DNAH8: variants seen among roughly 807,000 people sequenced by gnomAD.
DNAH8 encodes the protein axonemal beta dynein heavy chain 8.
A neutral mutation model predicts 562.1 loss-of-function variants in DNAH8; 382 were observed. The observed-to-expected ratio is 0.68, with a 90% CI of 0.63 to 0.74. DNAH8 has a LOEUF of 0.74. DNAH8 is among the 30% of genes least tolerant of loss of function. DNAH8 has a pLI of 0.00. For missense variants in DNAH8, 5,203 were observed against 5,620.4 expected (o/e 0.93, Z 2.37); for synonymous variants, 1,881 against 1,919.4 (o/e 0.98, Z 0.52).
chr6:38,835,344 C>T (rs1774194739), intron 32 of DNAH8, among the ~76,000 whole-genome samples: 1 of 150,772 alleles, frequency 6.6e-6, no homozygotes, highest in Non-Finnish European at 1.5e-5. Flanking sequence ...AGATCAGATG[C>T]CTACTGTGTG....
Position 39,016,856 on chromosome 6 carries a change from G to A in DNAH8, c.13714+4219G>A, listed in dbSNP as rs532393722. 2.4e-3 allele frequency among the ~76,000 whole-genome samples: 370 copies of A among 152,262 alleles called. 2 individuals are homozygous for A. Among genetic ancestry groups the A allele is most frequent in the Admixed American group, 3.9e-3 (60 of 15,300 alleles). On this transcript the variant is annotated intron_variant, in intron 91 of 92. Transcript: ENST00000327475. ...CAAGGACAAGTGACATGCCTTGCTT[G>A]CCCCTGGTCAGCACCTGAGCTTCTG...
intron 18 of DNAH8, among the ~76,000 whole-genome samples, chr6:38,789,247 G>A (rs1024865016): frequency 3.0e-4 from 46 of 152,188 alleles, no homozygotes; most frequent in African/African-American, 1.0e-3. Context: ...GTTTGAAACA[G>A]TTTAAGATTA....
chr6:38,993,680 ATTGTG>A (rs2150737918), intron 88 of DNAH8, among the ~76,000 whole-genome samples: 1 of 124,824 alleles, frequency 8.0e-6, no homozygotes, highest in South Asian at 2.9e-4. Context: ...AACTATATCT[ATTGTG>A]TTGTGTCTTG....
intron 79 of DNAH8, among the ~76,000 whole-genome samples, chr6:38,939,304 C>T (rs1783244330): frequency 6.6e-6 from 1 of 152,106 alleles, no homozygotes; most frequent in African/African-American, 2.4e-5. Context: ...GACAGCCATT[C>T]CCTCAGCAAG....
At chr6:38,775,239 A>G (rs1288091007) in intron 12 of DNAH8, among the ~76,000 whole-genome samples, 1 of 152,156 alleles carries the variant, frequency 6.6e-6, no homozygotes, top group African/African-American at 2.4e-5. Context: ...CCATTTCTGA[A>G]ATGAAGTCCA....
chr6:38,874,141 CTT>C (rs371660123), intron 52 of DNAH8, among the ~76,000 whole-genome samples: 3 of 129,140 alleles, frequency 2.3e-5, no homozygotes, highest in Admixed American at 1.8e-4. Context: ...CTTTCTTTCT[CTT>C]TCTCCTTCCT....
At chr6:38,764,600 A>C (rs963073581) in intron 11 of DNAH8, 5 of 152,254 alleles carry the variant, frequency 3.3e-5, no homozygotes, top group African/African-American at 1.2e-4. Context: ...GCAGGACAAA[A>C]GAGGACCTCA....
chr6:38,899,608 C>T (rs1779934746), intron 61 of DNAH8, among the ~76,000 whole-genome samples, 168 bp from the exon 62 acceptor site: 1 of 152,194 alleles, frequency 6.6e-6, no homozygotes, highest in African/African-American at 2.4e-5. Context: ...TCGAGCTGAA[C>T]AAATCAGTAT....
At chr6:38,753,380 C>G (rs1765634454) in intron 9 of DNAH8, among the ~76,000 whole-genome samples, 1 of 152,150 alleles carries the variant, frequency 6.6e-6, no homozygotes, top group African/African-American at 2.4e-5. Flanking sequence ...AAAATTATTA[C>G]ATGTCACAAG....
At chr6:38,866,952 C>T in intron 47 of DNAH8, 76 bp downstream of exon 47, 1 of 772,038 alleles carries the variant, frequency 1.3e-6, no homozygotes, top group Non-Finnish European at 2.1e-6. Flanking sequence ...TTGATAAATA[C>T]TCATCAGTGA....
intron 81 of DNAH8, among the ~76,000 whole-genome samples, chr6:38,949,981 T>C (rs1398452514): frequency 6.6e-6 from 1 of 152,210 alleles, no homozygotes; most frequent in African/African-American, 2.4e-5. Context: ...GCTTATAAGC[T>C]AAAGTTAAAT....
Position 38,826,389 on chromosome 6 carries a change from GAAGT to G in DNAH8, c.4083+2_4083+5del. 1 of 1,578,540 alleles carries G rather than the reference GAAGT, an allele frequency of 6.3e-7. No individual in the cohort carries two copies. The highest frequency in any genetic ancestry group is 1.4e-5 in the African/African-American group (1 of 72,898). On this transcript the variant is annotated splice_donor_variant and coding_sequence_variant, in exon 29 of 93. Transcript: ENST00000327475. LOFTEE classifies it high-confidence loss of function. ...AATGGACATGACTTTGGGACCAATTGAAGTAAGAAATGATTGCATTTTTTTTTCT... is the reference window on the plus strand; with the variant it reads ...AATGGACATGACTTTGGGACCAATTGAAGAAATGATTGCATTTTTTTTTCT...
chr6:38,796,132 C>A (rs1363183382), intron 21 of DNAH8, among the ~76,000 whole-genome samples: 1 of 152,174 alleles, frequency 6.6e-6, no homozygotes, highest in Non-Finnish European at 1.5e-5. Flanking sequence ...TGATTTGCCT[C>A]CTGTTCCTGA....
chr6:38,845,926 C>G (rs1775262152), intron 36 of DNAH8, among the ~76,000 whole-genome samples, 153 bp downstream of exon 36: 1 of 152,072 alleles, frequency 6.6e-6, no homozygotes, highest in South Asian at 2.1e-4. Context: ...CCCGTTTTCC[C>G]TAATAATCAT....
chr6:38,876,719 G>C (rs534879766), intron 53 of DNAH8, among the ~76,000 whole-genome samples: 125 of 152,260 alleles, frequency 8.2e-4, no homozygotes, highest in African/African-American at 2.8e-3. Context: ...CTCCTGGGCC[G>C]CTTTCCAAAG....
chr6:38,749,834 A>C (rs889183029), intron 8 of DNAH8, among the ~76,000 whole-genome samples: 11 of 152,088 alleles, frequency 7.2e-5, no homozygotes, highest in Admixed American at 1.3e-4. Context: ...GTTCTTTTTT[A>C]TTTTTTATTT....
At chr6:38,949,349 A>C (rs1761698171) in intron 80 of DNAH8, 103 bp from the exon 81 acceptor site, 1 of 755,566 alleles carries the variant, frequency 1.3e-6, no homozygotes, top group Non-Finnish European at 2.4e-6. Flanking sequence ...TTGAAAAATT[A>C]TCTGCCTGTA....
At chr6:38,716,996 C>T (rs563240082) in intron 1 of DNAH8, among the ~76,000 whole-genome samples, 1 of 152,286 alleles carries the variant, frequency 6.6e-6, no homozygotes, top group Admixed American at 6.5e-5. Flanking sequence ...AAAATGATTG[C>T]ATCCAGCCTG....
chr6:38,904,417 A>T (rs1017208375), intron 62 of DNAH8, among the ~76,000 whole-genome samples: 1 of 152,178 alleles, frequency 6.6e-6, no homozygotes, highest in African/African-American at 2.4e-5. Context: ...GGGGCTTGCG[A>T]TGGAGAGTGA....
Sources: gnomAD v4.1 joint callset for allele counts (sites outside exome capture counted in the v4.1 genomes callset) on GRCh38, gnomAD v4.1.1 for gene constraint, MANE v1.5 for transcripts, NCBI Gene and HGNC (gene_info 2026-07-23, HGNC 2026-07-21) for gene names.